The following FARS2 variants were observed in gnomAD, a reference collection of about 807,000 sequenced individuals.
FARS2 encodes phenylalanyl-tRNA synthetase 2, mitochondrial, also known as phenylalanine--tRNA ligase, mitochondrial.
A neutral mutation model predicts 46.4 loss-of-function variants in FARS2; 40 were observed. The observed-to-expected ratio is 0.86, with a 90% confidence interval of 0.67 to 1.12. The LOEUF (loss-of-function observed/expected upper bound fraction) is 1.12, where lower values mean the gene tolerates loss of function less well. Ranked by LOEUF, FARS2 falls within the 50% of genes most tolerant of loss-of-function variation. FARS2 has a pLI of 0.00. For missense variants in FARS2, 513 were observed against 567.9 expected (o/e 0.90, Z 0.98); for synonymous variants, 234 against 214.9 (o/e 1.09, Z -0.78).
intron 2 of FARS2, among the ~76,000 whole-genome samples, chr6:5,390,531 A>G (rs1760440780): frequency 6.6e-6 from 1 of 152,202 alleles, no homozygotes; most frequent in South Asian, 2.1e-4. Context: ...AAACCGAACA[A>G]CAGTATCACA....
chr6:5,351,904 G>A (rs913831272), intron 1 of FARS2, among the ~76,000 whole-genome samples: 18 of 152,136 alleles, frequency 1.2e-4, no homozygotes, highest in Admixed American at 4.6e-4. Flanking sequence ...TTGTTCTGCC[G>A]TATTGTGTTA....
intron 6 of FARS2, among the ~76,000 whole-genome samples, chr6:5,693,002 C>T (rs1757857812): frequency 6.6e-6 from 1 of 152,158 alleles, no homozygotes; most frequent in African/African-American, 2.4e-5. Context: ...TATTTCCCTT[C>T]CCCATCCCGT....
chr6:5,274,224 A>G (rs1766169121), intron 1 of FARS2, among the ~76,000 whole-genome samples: 1 of 152,200 alleles, frequency 6.6e-6, no homozygotes, highest in South Asian at 2.1e-4. Context: ...AGCCATATCA[A>G]CCGTACTTCT....
chr6:5,428,539 C>T (rs113243732), intron 3 of FARS2, among the ~76,000 whole-genome samples: 97 of 152,200 alleles, frequency 6.4e-4, no homozygotes, highest in African/African-American at 2.2e-3. Context: ...AAATGTTTTC[C>T]GCTTACGTGC....
In FARS2 at chr6:5,698,038, C is replaced by T. The variant is rs373968414; in HGVS notation, c.1218-73253C>T. Among the ~76,000 whole-genome samples, 34 of 152,200 alleles carry T rather than the reference C, an allele frequency of 2.2e-4. No homozygotes were observed. The East Asian group carries it at 4.2e-3, about 19-fold the overall frequency. On this transcript the variant is annotated intron_variant, in intron 6 of 6. Transcript: ENST00000274680. ...CAAATAATGATGTCTGATTCTCGCT[C>T]GCTGTGATATGGGAGGACAAGGGAA...
intron 6 of FARS2, among the ~76,000 whole-genome samples, chr6:5,701,769 T>C (rs954815917): frequency 2.0e-5 from 3 of 152,196 alleles, no homozygotes. Flanking sequence ...TGTTAGTAAA[T>C]AAAAAGGCTA....
intron 5 of FARS2, among the ~76,000 whole-genome samples, chr6:5,565,946 C>T (rs577755795): frequency 1.6e-4 from 25 of 152,324 alleles, no homozygotes; most frequent in African/African-American, 4.1e-4. Context: ...AACCCCAATT[C>T]GTTTACATGA....
chr6:5,288,579 G>C (rs1238434813), intron 1 of FARS2, among the ~76,000 whole-genome samples: 1 of 152,170 alleles, frequency 6.6e-6, no homozygotes, highest in Non-Finnish European at 1.5e-5. Context: ...GTGATCTGTG[G>C]TTTTGAATAT....
chr6:5,628,883 G>A (rs1776159801), intron 6 of FARS2, among the ~76,000 whole-genome samples: 1 of 152,206 alleles, frequency 6.6e-6, no homozygotes, highest in Non-Finnish European at 1.5e-5. Context: ...GATCAAATGA[G>A]TTCTAAAACA....
Position 5,739,197 on chromosome 6 carries a change from A to G in FARS2, c.1218-32094A>G, listed in dbSNP as rs193073636. On this transcript the variant is annotated intron_variant, in intron 6 of 6. Coordinates refer to ENST00000274680, the MANE Select transcript of FARS2 (RefSeq NM_006567.5). ...ATTCATCCAAGTTGTTGCATGTATC[A>G]AAAAATGAAGAATCCTGGCCAGGTG... Among the ~76,000 whole-genome samples, 26 of 152,234 alleles carry G rather than the reference A, an allele frequency of 1.7e-4. 1 individual carries two copies. The Middle Eastern group carries it at 0.01, about 60-fold the overall frequency.
chr6:5,710,673 C>T (rs1759086575), intron 6 of FARS2, among the ~76,000 whole-genome samples: 1 of 152,218 alleles, frequency 6.6e-6, no homozygotes. Flanking sequence ...ATCTGTAATT[C>T]TCAAGGCAGA....
rs189202668 is a variant in FARS2, at chr6:5,734,909, G to A, written c.1218-36382G>A. Among the ~76,000 whole-genome samples, 245 of 152,302 alleles carry A rather than the reference G, an allele frequency of 1.6e-3. 2 individuals are homozygous for A. Among genetic ancestry groups the A allele is most frequent in the African/African-American group, 5.5e-3 (229 of 41,548 alleles). ...CACACAGATAGAAACCGTTAGTGTA[G>A]TACACTGTATCTAGCTGTAGGTAGT... is the stretch of plus-strand genomic sequence containing the variant. On this transcript the variant is annotated intron_variant, in intron 6 of 6. Transcript: ENST00000274680.
intron 4 of FARS2, among the ~76,000 whole-genome samples, chr6:5,506,466 G>A (rs180903631): frequency 2.0e-5 from 3 of 152,232 alleles, no homozygotes; most frequent in Admixed American, 1.3e-4. Flanking sequence ...AGAGAGAGTG[G>A]GGCTGGGCAC....
intron 3 of FARS2, among the ~76,000 whole-genome samples, chr6:5,426,455 A>G (rs1762858667): frequency 6.6e-6 from 1 of 152,204 alleles, no homozygotes; most frequent in Non-Finnish European, 1.5e-5. Flanking sequence ...TACAAGAAGC[A>G]TGTCAAGATG....
intron 1 of FARS2, among the ~76,000 whole-genome samples, chr6:5,344,122 G>A (rs116554305): frequency 3.2e-4 from 49 of 152,320 alleles, no homozygotes; most frequent in African/African-American, 1.2e-3. Flanking sequence ...GGTGACCTCA[G>A]AGCAAGTGGC....
intron 4 of FARS2, among the ~76,000 whole-genome samples, chr6:5,453,399 T>C (rs186016816): frequency 2.0e-5 from 3 of 152,302 alleles, no homozygotes; most frequent in Non-Finnish European, 2.9e-5. Context: ...ATTAATACTA[T>C]CTACAGTGTC....
chr6:5,479,264 G>T (rs1184395888), intron 4 of FARS2, among the ~76,000 whole-genome samples: 1 of 152,202 alleles, frequency 6.6e-6, no homozygotes, highest in African/African-American at 2.4e-5. Context: ...TACAAAATGT[G>T]TTGGGTGTGT....
At chr6:5,341,211 ATATATATATATATATATATATATATTTTT>A (rs1267655823) in intron 1 of FARS2, among the ~76,000 whole-genome samples, 443 of 5,868 alleles carry the variant, frequency 0.075, 33 homozygotes, top group African/African-American at 0.21. Flanking sequence ...ATATATATAT[ATATATATATATATATATATATATATTTTT>A]TTTTTTTTTT....
intron 2 of FARS2, among the ~76,000 whole-genome samples, chr6:5,392,767 CACAT>C (rs1361369309): frequency 1.1e-3 from 111 of 104,456 alleles, no homozygotes; most frequent in Non-Finnish European, 1.7e-3. Context: ...CACACACACA[CACAT>C]GTATATATAT....
Sources: gnomAD v4.1 joint callset for allele counts (sites outside exome capture counted in the v4.1 genomes callset) on GRCh38, gnomAD v4.1.1 for gene constraint, MANE v1.5 for transcripts, NCBI Gene and HGNC (gene_info 2026-07-23, HGNC 2026-07-21) for gene names.